The following CDK14 variants were observed in gnomAD, a reference collection of about 807,000 sequenced individuals.
CDK14 encodes cyclin dependent kinase 14.
CDK14 carries 34 observed loss-of-function variants against 60.7 expected under a neutral mutation model. That is an observed-to-expected ratio of 0.56 (90% CI 0.43 to 0.75). CDK14 has a LOEUF of 0.75. Among genes scored for constraint, CDK14 ranks in the 30% least tolerant of loss-of-function variants. The pLI, the probability that CDK14 is intolerant of heterozygous loss-of-function variation, is 0.00. For synonymous variants in CDK14, 197 were observed against 203.7 expected (o/e 0.97, Z 0.28); for missense variants, 482 against 564.1 (o/e 0.85, Z 1.47).
chr7:90,699,387 A>G (rs954995203), intron 2 of CDK14, among the ~76,000 whole-genome samples: 3 of 152,160 alleles, frequency 2.0e-5, no homozygotes, highest in South Asian at 2.1e-4. Context: ...TTTACTGAAC[A>G]CTATTCTAAG....
chr7:91,094,312 T>C (rs1266223402), intron 12 of CDK14, among the ~76,000 whole-genome samples: 1 of 152,200 alleles, frequency 6.6e-6, no homozygotes, highest in African/African-American at 2.4e-5. Context: ...TACCAAAATA[T>C]TTTCAGGGAT....
intron 8 of CDK14, among the ~76,000 whole-genome samples, chr7:90,934,005 G>A (rs914867224): frequency 6.6e-6 from 1 of 152,182 alleles, no homozygotes; most frequent in African/African-American, 2.4e-5. Flanking sequence ...CGCTCCACTC[G>A]CTTTATTCTT....
intron 2 of CDK14, among the ~76,000 whole-genome samples, chr7:90,715,955 T>C (rs1345540179): frequency 2.0e-5 from 3 of 151,828 alleles, no homozygotes; most frequent in Non-Finnish European, 4.4e-5. Context: ...GGAATATAGA[T>C]ATCAATTTTA....
At chr7:91,078,115 T>C (rs1388392225) in intron 11 of CDK14, among the ~76,000 whole-genome samples, 5 of 152,186 alleles carry the variant, frequency 3.3e-5, no homozygotes, top group Non-Finnish European at 7.3e-5. Flanking sequence ...GCATACCGTT[T>C]GCCAAGCAAT....
At chr7:90,724,702 T>C (rs2116702048) in intron 2 of CDK14, among the ~76,000 whole-genome samples, 1 of 152,080 alleles carries the variant, frequency 6.6e-6, no homozygotes, top group East Asian at 1.9e-4. Flanking sequence ...AACTATTTTC[T>C]GTCATCCTTA....
At chr7:91,044,507 G>A (rs1194067196) in intron 10 of CDK14, among the ~76,000 whole-genome samples, 1 of 152,144 alleles carries the variant, frequency 6.6e-6, no homozygotes, top group Non-Finnish European at 1.5e-5. Context: ...TGATGTTTCT[G>A]CTGGTCAGCT....
At chr7:91,108,019 C>T (rs1192841883) in intron 12 of CDK14, among the ~76,000 whole-genome samples, 1 of 152,180 alleles carries the variant, frequency 6.6e-6, no homozygotes, top group African/African-American at 2.4e-5. Flanking sequence ...GCAAAAGATG[C>T]TTGTTTGTCC....
At chr7:90,832,845 C>G (rs934397637) in intron 5 of CDK14, among the ~76,000 whole-genome samples, 1 of 152,156 alleles carries the variant, frequency 6.6e-6, no homozygotes, top group Non-Finnish European at 1.5e-5. Context: ...GGAAGTCACT[C>G]AGTGTAGTGG....
At chr7:91,018,713 C>T (rs367843747) in intron 10 of CDK14, among the ~76,000 whole-genome samples, 4 of 152,170 alleles carry the variant, frequency 2.6e-5, no homozygotes, top group Non-Finnish European at 5.9e-5. Context: ...GTGTGCAGCA[C>T]CTCGCCCTTC....
At chr7:90,799,646 C>T (rs562101029) in intron 5 of CDK14, among the ~76,000 whole-genome samples, 4 of 136,848 alleles carry the variant, frequency 2.9e-5, no homozygotes, top group East Asian at 2.5e-4. Flanking sequence ...GACAAGATCG[C>T]GCCACTGCGC....
intron 5 of CDK14, among the ~76,000 whole-genome samples, chr7:90,861,689 A>G (rs1230744453): frequency 6.6e-6 from 1 of 152,202 alleles, no homozygotes; most frequent in Admixed American, 6.5e-5. Context: ...GTGGAAATGA[A>G]AAAGAAACAA....
At chr7:91,189,591 A>G (rs1584193867) in intron 14 of CDK14, among the ~76,000 whole-genome samples, 1 of 152,224 alleles carries the variant, frequency 6.6e-6, no homozygotes, top group Non-Finnish European at 1.5e-5. Context: ...AGTGATATTC[A>G]TATGAGAATC....
At chr7:90,826,479 A>T (rs61248371) in intron 5 of CDK14, among the ~76,000 whole-genome samples, 2,087 of 152,236 alleles carry the variant, frequency 0.014, 65 homozygotes, top group African/African-American at 0.048. Flanking sequence ...GGGCTCCCAA[A>T]GTGCTGGGAT....
chr7:90,678,920 G>A (rs1451451821), intron 2 of CDK14, among the ~76,000 whole-genome samples: 1 of 152,168 alleles, frequency 6.6e-6, no homozygotes, highest in Non-Finnish European at 1.5e-5. Flanking sequence ...ATCAGGAAGA[G>A]TTGCAAAGAG....
intron 2 of CDK14, among the ~76,000 whole-genome samples, chr7:90,679,974 C>A (rs1195671401): frequency 2.6e-5 from 4 of 151,882 alleles, no homozygotes; most frequent in Non-Finnish European, 5.9e-5. Flanking sequence ...TCTCCTGGTG[C>A]TTTAGATGTA....
At chr7:90,656,450 G>T (rs1584773483) in intron 2 of CDK14, among the ~76,000 whole-genome samples, 2 of 151,254 alleles carry the variant, frequency 1.3e-5, no homozygotes, top group African/African-American at 4.9e-5. Flanking sequence ...AGCAGTCTTG[G>T]CTCACTGCAA....
chr7:91,076,271 A>AAAAAAAAAAAC (rs1798311366), intron 11 of CDK14, among the ~76,000 whole-genome samples: 1 of 146,082 alleles, frequency 6.8e-6, no homozygotes, highest in Non-Finnish European at 1.5e-5. Flanking sequence ...AAAAAAAAAA[A>AAAAAAAAAAAC]AAAAATCATG....
At chr7:91,165,777 C>T (rs1489346485) in intron 14 of CDK14, among the ~76,000 whole-genome samples, 2 of 152,194 alleles carry the variant, frequency 1.3e-5, no homozygotes, top group Non-Finnish European at 2.9e-5. Context: ...AAACCCTCTG[C>T]ATTGTTAGTA....
At chr7:90,776,898 C>G (rs756019380) in intron 4 of CDK14, among the ~76,000 whole-genome samples, 1 of 151,812 alleles carries the variant, frequency 6.6e-6, no homozygotes, top group South Asian at 2.1e-4. Flanking sequence ...GAACCAGAAC[C>G]GAAGGAAATG....
Sources: allele counts gnomAD v4.1 joint callset (sites outside exome capture counted in the v4.1 genomes callset), GRCh38; gene constraint gnomAD v4.1.1; transcripts MANE v1.5; gene names NCBI Gene and HGNC (gene_info 2026-07-23, HGNC 2026-07-21).